The following CRTC1 variants were observed in gnomAD, a reference collection of about 807,000 sequenced individuals.
CRTC1 encodes CREB-regulated transcription coactivator 1.
A neutral mutation model predicts 66.1 loss-of-function variants in CRTC1; 18 were observed. That is an observed-to-expected ratio of 0.27 (90% CI 0.19 to 0.40). The LOEUF is 0.40. Ranked by LOEUF, CRTC1 falls within the 10% of genes least tolerant of loss-of-function variation. The pLI is 1.00. For missense variants in CRTC1, 669 were observed against 887.9 expected, an observed-to-expected ratio of 0.75 and a Z score of 3.13; for synonymous variants, 416 against 398.8, an observed-to-expected ratio of 1.04 and a Z score of -0.51.
At chr19:18,774,748 G>A in intron 11 of CRTC1, 152 bp from the exon 12 acceptor site, 2 of 684,206 alleles carry the variant, frequency 2.9e-6, no homozygotes, top group East Asian at 2.7e-5. Context: ...GGATTGGGGG[G>A]CACTTCTGGA....
In CRTC1 at chr19:18,748,809, A is replaced by G. The variant is rs79386490; in HGVS notation, c.444-972A>G. Among the ~76,000 whole-genome samples, 601 of 152,110 alleles carry G rather than the reference A, an allele frequency of 4.0e-3. 9 individuals carry two copies. The highest frequency in any genetic ancestry group is 0.014 in the African/African-American group (570 of 41,512). ...AAAGTAAGCAAGCTGTTCAAAATAT[A>G]TATGTATACTACAATATTAAATTCT... On this transcript the variant is annotated intron_variant, in intron 4 of 13. Transcript: ENST00000321949.
chr19:18,731,794 G>A lies in CRTC1; in HGVS notation c.127-11116G>A, dbSNP rs561571248. ...CACAGCTTCCTGCTCGTCACACCTC[G>A]GCTGCCTGGCTGCCCCGGGGGGTGG... On this transcript the variant is annotated intron_variant, in intron 1 of 13. Coordinates refer to ENST00000321949, the MANE Select transcript of CRTC1 (RefSeq NM_015321.3). Among the ~76,000 whole-genome samples, 8 of 152,286 alleles carry A rather than the reference G, an allele frequency of 5.3e-5. No individual in the cohort carries two copies. In the East Asian group the frequency reaches 5.8e-4, roughly 11 times the overall value.
chr19:18,730,459 A>C (rs2053861299), intron 1 of CRTC1, among the ~76,000 whole-genome samples: 1 of 151,936 alleles, frequency 6.6e-6, no homozygotes. Flanking sequence ...CTCCCAGTGT[A>C]CTGGGGCCCC....
intron 8 of CRTC1, among the ~76,000 whole-genome samples, chr19:18,763,643 G>C (rs2054663380): frequency 6.6e-6 from 1 of 152,248 alleles, no homozygotes; most frequent in African/African-American, 2.4e-5. Context: ...TAGAACACCA[G>C]ATTTCTGGCT....
At chr19:18,738,735 G>A (rs1455933133) in intron 1 of CRTC1, among the ~76,000 whole-genome samples, 4 of 152,234 alleles carry the variant, frequency 2.6e-5, no homozygotes, top group African/African-American at 9.6e-5. Flanking sequence ...AGGAGGTAGA[G>A]GTTGCAGTGA....
chr19:18,698,522 C>G (rs1363483202), intron 1 of CRTC1, among the ~76,000 whole-genome samples: 2 of 147,188 alleles, frequency 1.4e-5, no homozygotes, highest in Non-Finnish European at 3.0e-5. Context: ...AGGCGCTCAG[C>G]AGGCACAGTG....
Position 18,683,709 on chromosome 19 carries a change from A to G in CRTC1, c.7A>G (p.Thr3Ala), listed in dbSNP as rs2052614503. The G allele has an allele frequency of 1.4e-6, 2 of 1,393,746 alleles. No individual in the cohort carries two copies. The highest frequency in any genetic ancestry group is 1.9e-4 in the Middle Eastern group (1 of 5,236). The allele number at this position is 1,393,746 out of a possible 1,614,324, so 86.3% of individuals were successfully genotyped here. Residue 3 changes from threonine (T) to alanine (A), a missense_variant, in exon 1 of 14, where the codon ACT (threonine) becomes GCT (alanine). By Grantham distance (58) the Thr-to-Ala change is moderately conservative (BLOSUM62 0). Transcript: ENST00000321949. MA[T>A]SNNPRKFSEK... Reference sequence around the variant, plus strand: ...AGGAGGTGGCGGCGAGAAGATGGCGACTTCGAACAATCCGCGGAAATTCAG... The same window carrying G: ...AGGAGGTGGCGGCGAGAAGATGGCGGCTTCGAACAATCCGCGGAAATTCAG...
At chr19:18,746,962 C>T (rs1404758860) in intron 3 of CRTC1, 91 bp from the exon 4 acceptor site, 5 of 1,286,534 alleles carry the variant, frequency 3.9e-6, no homozygotes, top group Non-Finnish European at 5.6e-6. Flanking sequence ...CCGACCCCAG[C>T]CAGCCAGCCG....
intron 13 of CRTC1, 116 bp downstream of exon 13, chr19:18,775,937 A>C: frequency 8.8e-7 from 1 of 1,137,126 alleles, no homozygotes; most frequent in Non-Finnish European, 1.2e-6. Context: ...GTTGTGACCC[A>C]AGCTTGATGG....
chr19:18,690,430 A>G (rs1252370955), intron 1 of CRTC1, among the ~76,000 whole-genome samples: 1 of 152,106 alleles, frequency 6.6e-6, no homozygotes, highest in Non-Finnish European at 1.5e-5. Context: ...CTCCATATAC[A>G]GGCAGGACTC....
At chr19:18,694,867 G>A (rs930912672) in intron 1 of CRTC1, among the ~76,000 whole-genome samples, 1 of 152,044 alleles carries the variant, frequency 6.6e-6, no homozygotes, top group Non-Finnish European at 1.5e-5. Context: ...TGAGGTTGGC[G>A]GCAGTTCTCC....
intron 1 of CRTC1, among the ~76,000 whole-genome samples, chr19:18,690,080 T>C (rs1370847180): frequency 1.1e-5 from 1 of 92,916 alleles, no homozygotes; most frequent in African/African-American, 4.4e-5. Flanking sequence ...GGATTGGATG[T>C]TGGGGGTGAG....
chr19:18,727,537 C>T (rs1290935014), intron 1 of CRTC1, among the ~76,000 whole-genome samples: 44 of 129,580 alleles, frequency 3.4e-4, no homozygotes, highest in Admixed American at 1.4e-3. Context: ...GCCGAGATCA[C>T]GCCACTGCAC....
At chr19:18,717,618 C>A (rs2145610999) in intron 1 of CRTC1, among the ~76,000 whole-genome samples, 2 of 152,240 alleles carry the variant, frequency 1.3e-5, no homozygotes, top group South Asian at 4.1e-4. Flanking sequence ...GGATGCAGGA[C>A]CCCTGGGCTC....
chr19:18,756,416 G>A (rs978182264), intron 6 of CRTC1, among the ~76,000 whole-genome samples: 1 of 151,720 alleles, frequency 6.6e-6, no homozygotes, highest in Non-Finnish European at 1.5e-5. Flanking sequence ...GGAGGCTGAG[G>A]TGGGAGGATT....
intron 13 of CRTC1, 89 bp downstream of exon 13, chr19:18,775,910 G>A: frequency 7.4e-7 from 1 of 1,359,792 alleles, no homozygotes; most frequent in Non-Finnish European, 9.9e-7. Context: ...CGCAGCAGGA[G>A]GGTTGACAGG....
intron 11 of CRTC1, among the ~76,000 whole-genome samples, chr19:18,772,970 G>A (rs989779995): frequency 2.0e-5 from 3 of 152,190 alleles, no homozygotes; most frequent in Non-Finnish European, 4.4e-5. Context: ...TGTGAGACAG[G>A]ACGGGACAGG....
At chr19:18,697,145 C>G (rs934258859) in intron 1 of CRTC1, among the ~76,000 whole-genome samples, 2 of 152,048 alleles carry the variant, frequency 1.3e-5, no homozygotes, top group Non-Finnish European at 2.9e-5. Context: ...CCTCGAGGGC[C>G]AGGGATGCCC....
chr19:18,690,779 A>G (rs2052811085), intron 1 of CRTC1, among the ~76,000 whole-genome samples: 1 of 152,082 alleles, frequency 6.6e-6, no homozygotes, highest in African/African-American at 2.4e-5. Flanking sequence ...TAATCCCAGC[A>G]CTTTGGGAGG....
Sources: allele counts gnomAD v4.1 joint callset (sites outside exome capture counted in the v4.1 genomes callset), GRCh38; gene constraint gnomAD v4.1.1; transcripts MANE v1.5; gene names NCBI Gene and HGNC (gene_info 2026-07-23, HGNC 2026-07-21).